The following TCF7L1 variants were observed in gnomAD, a reference collection of about 807,000 sequenced individuals.
TCF7L1 encodes transcription factor 7 like 1, also known as transcription factor 7-like 1.
Under a neutral mutation model 63.7 loss-of-function variants are expected in TCF7L1, and 18 were observed. The observed-to-expected ratio is 0.28, with a 90% CI of 0.20 to 0.42. TCF7L1 has a LOEUF of 0.42. TCF7L1 is among the 10% of genes least tolerant of loss of function. The probability of loss-of-function intolerance (pLI) is 1.00; values close to 1 mark genes in which losing one functional copy is unlikely to be tolerated. For synonymous variants in TCF7L1, 355 were observed against 340.9 expected, an observed-to-expected ratio of 1.04 and a Z score of -0.46; for missense variants, 654 against 779.3, an observed-to-expected ratio of 0.84 and a Z score of 1.91.
At chr2:85,252,141 A>C (rs781221017) in intron 3 of TCF7L1, among the ~76,000 whole-genome samples, 1 of 152,138 alleles carries the variant, frequency 6.6e-6, no homozygotes, top group African/African-American at 2.4e-5. Context: ...GTACAGTGAC[A>C]AGAGGGCTGG....
chr2:85,151,366 T>G (rs555874820), intron 3 of TCF7L1, among the ~76,000 whole-genome samples: 1 of 152,222 alleles, frequency 6.6e-6, no homozygotes, highest in Non-Finnish European at 1.5e-5. Flanking sequence ...TAGATTTAGA[T>G]TTTTGGTCAA....
At chr2:85,260,111 T>G (rs1680824317) in intron 3 of TCF7L1, among the ~76,000 whole-genome samples, 1 of 152,224 alleles carries the variant, frequency 6.6e-6, no homozygotes, top group Non-Finnish European at 1.5e-5. Context: ...AGGGCAGGCC[T>G]TCCAAACTCG....
intron 3 of TCF7L1, among the ~76,000 whole-genome samples, chr2:85,166,682 G>A (rs188142124): frequency 2.0e-4 from 30 of 152,320 alleles, no homozygotes; most frequent in African/African-American, 6.5e-4. Flanking sequence ...TACCACAGTA[G>A]ATGGGAAGGC....
intron 3 of TCF7L1, among the ~76,000 whole-genome samples, chr2:85,157,379 C>T (rs936213708): frequency 1.3e-5 from 2 of 152,196 alleles, no homozygotes; most frequent in African/African-American, 4.8e-5. Flanking sequence ...TTTGTTTAGT[C>T]CTCAGAATGA....
rs374771443 is a variant in TCF7L1, at chr2:85,309,393, C to T, written c.1698C>T (p.Leu566=). The T allele has an allele frequency of 2.6e-5, 42 of 1,595,852 alleles. No homozygotes were observed. Among genetic ancestry groups the T allele is most frequent in the Non-Finnish European group, 3.3e-5 (39 of 1,170,456 alleles). The change falls in exon 12 of 12, where the codon CTC becomes CTT. Residue 566 remains leucine (L), a synonymous_variant. Transcript: ENST00000282111. The stretch of plus-strand genomic sequence containing the variant: ...CTCCCCCGTCCTTCCCCGCCACGCT[C>T]CATGCCCACCAGGCCCTCCCGGTGC... ...LASPPSFPAT[L]HAHQALPVLQ... is the part of the protein sequence containing the mutation.
At position 85,304,285 on chromosome 2, in the gene TCF7L1, C is replaced by T. The variant is rs370626161; in HGVS notation, c.792C>T (p.Pro264=). The T allele has an allele frequency of 3.4e-5, 55 of 1,613,962 alleles. No homozygotes were observed. Among genetic ancestry groups the T allele is most frequent in the East Asian group, 6.7e-5 (3 of 44,888 alleles). ...GCCAGCCCATGTACTCCCTTCCTCC[C>T]GGTGGCTTCCGGCACCCTTACCCCG... ...QQGQPMYSLP[P]GGFRHPYPAL... Residue 264 remains proline (P), a synonymous_variant, in exon 7 of 12, where the codon CCC becomes CCT. Coordinates refer to ENST00000282111, the MANE Select transcript of TCF7L1 (RefSeq NM_031283.3).
At position 85,241,431 on chromosome 2, in the gene TCF7L1, G is replaced by GTT. The variant is rs1273488175; in HGVS notation, c.442-42060_442-42059dup. Among the ~76,000 whole-genome samples, 188 of 68,766 alleles carry GTT rather than the reference G, an allele frequency of 2.7e-3. 5 individuals carry two copies. Among genetic ancestry groups the GTT allele is most frequent in the African/African-American group, 5.0e-3 (96 of 19,236 alleles). The allele number at this position is 68,766 out of a possible 152,430, so 45.1% of individuals were successfully genotyped here. On this transcript the variant is annotated intron_variant, in intron 3 of 11. Transcript: ENST00000282111. ...TGATCCAGAGGACTGGATGCACTTT[G>GTT]TTTTTGTTTTTTTTTTTTTTTTTTT...
chr2:85,188,264 C>T (rs981916600), intron 3 of TCF7L1, among the ~76,000 whole-genome samples: 6 of 151,670 alleles, frequency 4.0e-5, no homozygotes, highest in African/African-American at 1.4e-4. Flanking sequence ...GCTACACATA[C>T]ACACACACAC....
chr2:85,306,489 A>G lies in TCF7L1; in HGVS notation c.1187A>G (p.Tyr396Cys). 1 of 1,614,062 alleles carries G rather than the reference A, an allele frequency of 6.2e-7. No individual in the cohort carries two copies. Among genetic ancestry groups the G allele is most frequent in the East Asian group, 2.2e-5 (1 of 44,870 alleles). The part of the protein sequence containing the change: ...NLSREEQAKY[Y>C]ELARKERQLH... ...TCTCGAGAAGAACAGGCCAAGTACT[A>G]CGAGCTGGCCCGGAAGGAGCGGCAG... The change falls in exon 10 of 12, where the codon TAC (tyrosine) becomes TGC (cysteine). Residue 396 changes from tyrosine to cysteine, a missense_variant. Transcript: ENST00000282111. This position sits in a 1 kb window ranked among gnomAD's most constrained non-coding sequence, Gnocchi z 4.3.
At position 85,293,224 on chromosome 2, in the gene TCF7L1, C is replaced by T. The variant is rs989580217; in HGVS notation, c.526-9260C>T. Among the ~76,000 whole-genome samples, 3 of 152,106 alleles carry T rather than the reference C, an allele frequency of 2.0e-5. No individual in the cohort carries two copies. The South Asian group carries it at 6.2e-4, about 32-fold the overall frequency. Reference sequence around the variant, plus strand: ...CCAAATCTTGTGTCTAACTGTAATCCCCAATGTTAGAGGTAGGGCCTGGTG... The same window carrying T: ...CCAAATCTTGTGTCTAACTGTAATCTCCAATGTTAGAGGTAGGGCCTGGTG... On this transcript the variant is annotated intron_variant, in intron 4 of 11. Coordinates refer to ENST00000282111, the MANE Select transcript of TCF7L1 (RefSeq NM_031283.3).
At position 85,261,707 on chromosome 2, in the gene TCF7L1, A is replaced by G. The variant is rs139375237; in HGVS notation, c.442-21788A>G. Among the ~76,000 whole-genome samples the G allele has an allele frequency of 1.6e-3, 245 of 149,292 alleles. 1 individual carries two copies. Among genetic ancestry groups the G allele is most frequent in the African/African-American group, 5.7e-3 (236 of 41,126 alleles). ...GGAGTTTGAGACCAGCCTGGGCAAC[A>G]TAGCAAGATCCCATCTGTTAAAAAA... On this transcript the variant is annotated intron_variant, in intron 3 of 11. Transcript: ENST00000282111.
intron 3 of TCF7L1, among the ~76,000 whole-genome samples, chr2:85,228,693 C>T (rs1680007874): frequency 6.6e-6 from 1 of 152,074 alleles, no homozygotes; most frequent in Non-Finnish European, 1.5e-5. Context: ...GAGACCAGCC[C>T]TCAAAGTCCT....
chr2:85,156,143 GTTCCGTC>G (rs1483386667), intron 3 of TCF7L1, among the ~76,000 whole-genome samples: 1 of 152,142 alleles, frequency 6.6e-6, no homozygotes. Flanking sequence ...GAACTTCTGT[GTTCCGTC>G]TTCGTGATAA....
chr2:85,238,239 TTGTGTCC>T (rs1680237927), intron 3 of TCF7L1, among the ~76,000 whole-genome samples: 1 of 152,116 alleles, frequency 6.6e-6, no homozygotes. Flanking sequence ...CTTCGGCACT[TTGTGTCC>T]TGTGAAGGGT....
chr2:85,150,906 AC>A (rs1176025348), intron 3 of TCF7L1, among the ~76,000 whole-genome samples: 2 of 152,140 alleles, frequency 1.3e-5, no homozygotes, highest in African/African-American at 4.8e-5. Context: ...TTCCACTGTG[AC>A]AGTTGCCAAA....
intron 11 of TCF7L1, 117 bp downstream of exon 11, chr2:85,307,834 G>C: frequency 1.1e-6 from 1 of 910,884 alleles, no homozygotes. Context: ...TTCGCGGGCG[G>C]GTATTATTAC....
At chr2:85,282,794 TTGTGTGTGTGTGTGTGTGTG>T (rs59628868) in intron 3 of TCF7L1, among the ~76,000 whole-genome samples, 4 of 119,138 alleles carry the variant, frequency 3.4e-5, no homozygotes, top group Non-Finnish European at 3.4e-5. Context: ...GAGAGAGAGA[TTGTGTGTGTGTGTGTGTGTG>T]TGTGTGTGTG....
At chr2:85,215,528 C>T (rs905038752) in intron 3 of TCF7L1, among the ~76,000 whole-genome samples, 3 of 152,126 alleles carry the variant, frequency 2.0e-5, no homozygotes, top group Non-Finnish European at 4.4e-5. Flanking sequence ...GTTCTCAGAG[C>T]GGGAACATGG....
intron 3 of TCF7L1, among the ~76,000 whole-genome samples, chr2:85,196,884 T>C (rs938135014): frequency 6.6e-6 from 1 of 152,186 alleles, no homozygotes; most frequent in Non-Finnish European, 1.5e-5. Context: ...TTCCCCTGAC[T>C]GCAGTGACTG....
Sources: allele counts gnomAD v4.1 joint callset (sites outside exome capture counted in the v4.1 genomes callset), GRCh38; gene constraint gnomAD v4.1.1; non-coding constraint Gnocchi (gnomAD v3.1); transcripts MANE v1.5; gene names NCBI Gene and HGNC (gene_info 2026-07-23, HGNC 2026-07-21).